DNAI3: variants seen among roughly 807,000 people sequenced by gnomAD.
DNAI3 encodes dynein axonemal intermediate chain 3, also known as WD repeat domain 63.
Under a neutral mutation model 115.5 loss-of-function variants are expected in DNAI3, and 83 were observed. The ratio of observed to expected loss-of-function variants is 0.72; its 90% confidence interval spans 0.60 to 0.86. DNAI3 has a LOEUF of 0.86. Ranked by LOEUF, DNAI3 falls within the 40% of genes least tolerant of loss-of-function variation. DNAI3 has a pLI of 0.00. For synonymous variants in DNAI3, 320 were observed against 347.0 expected (o/e 0.92, Z 0.86); for missense variants, 1,004 against 1,075.8 (o/e 0.93, Z 0.93).
At chr1:85,120,683 G>A (rs74496563) in intron 17 of DNAI3, among the ~76,000 whole-genome samples, 4,243 of 152,268 alleles carry the variant, frequency 0.028, 94 homozygotes, top group Non-Finnish European at 0.044. Context: ...TCAAGAAGTG[G>A]TATCCGTGAG....
intron 5 of DNAI3, among the ~76,000 whole-genome samples, chr1:85,083,444 G>C (rs1654689873): frequency 6.6e-6 from 1 of 152,028 alleles, no homozygotes; most frequent in African/African-American, 2.4e-5. Flanking sequence ...CCATGATCAT[G>C]CCCCTGCACT....
intron 1 of DNAI3, among the ~76,000 whole-genome samples, chr1:85,068,676 C>T (rs569323565): frequency 2.6e-5 from 4 of 152,306 alleles, no homozygotes; most frequent in Non-Finnish European, 5.9e-5. Context: ...TCCTAATACA[C>T]GACCTAGCCC....
At chr1:85,082,475 T>C in intron 5 of DNAI3, 71 bp downstream of exon 5, 12 of 1,226,520 alleles carry the variant, frequency 9.8e-6, no homozygotes, top group Non-Finnish European at 1.3e-5. Context: ...AGATAGGCTC[T>C]TGCTCTGTCA....
At chr1:85,104,396 C>T (rs762897645) in intron 13 of DNAI3, 128 bp from the exon 14 acceptor site, 33 of 689,264 alleles carry the variant, frequency 4.8e-5, no homozygotes, top group Non-Finnish European at 7.6e-5. Context: ...GCTGGGATTA[C>T]AGGCGTGAGC....
intron 1 of DNAI3, among the ~76,000 whole-genome samples, chr1:85,065,115 A>G (rs905898179): frequency 1.3e-5 from 2 of 152,170 alleles, no homozygotes; most frequent in African/African-American, 4.8e-5. Context: ...AAAGAGGATG[A>G]TGACCACCTA....
rs567597805 is a variant in DNAI3 at position 85,077,790 on chromosome 1, C to T, written c.104-3444C>T. On this transcript the variant is annotated intron_variant, in intron 3 of 22. Transcript: ENST00000294664. ...TGGGGTATGTGCATATATTTATCAA[C>T]TTGTACATATTGTATGCAGTTTATC... Among the ~76,000 whole-genome samples, 112 of 151,600 alleles carry T rather than the reference C, an allele frequency of 7.4e-4. 1 individual carries two copies. Among genetic ancestry groups the T allele is most frequent in the Admixed American group, 2.8e-3 (42 of 15,208 alleles).
chr1:85,081,160 C>T (rs1037677782), intron 3 of DNAI3, 74 bp from the exon 4 acceptor site: 29 of 1,215,900 alleles, frequency 2.4e-5, no homozygotes, highest in East Asian at 5.6e-5. Context: ...TAAAACCAAG[C>T]GATTGCATGT....
At chr1:85,132,818 GT>G in intron 22 of DNAI3, 36 bp from the exon 23 acceptor site, 1 of 1,575,122 alleles carries the variant, frequency 6.3e-7, no homozygotes, top group Non-Finnish European at 8.6e-7. Context: ...AGATATCAGT[GT>G]TTTATAGGGA....
chr1:85,095,207 G>C (rs1393487360), intron 10 of DNAI3, among the ~76,000 whole-genome samples: 1 of 152,156 alleles, frequency 6.6e-6, no homozygotes, highest in Non-Finnish European at 1.5e-5. Context: ...TGCTCAATAA[G>C]AGATCTGCCT....
In DNAI3 at chr1:85,102,471, C is replaced by T. The variant is rs184132594; in HGVS notation, c.1480-2053C>T. ...CATATAAAATAAAACAGTAAATCAACATGAAAATCATTCAGCCTTTCTAAT... is the reference window on the plus strand; with the variant it reads ...CATATAAAATAAAACAGTAAATCAATATGAAAATCATTCAGCCTTTCTAAT... On this transcript the variant is annotated intron_variant, in intron 13 of 22. Transcript: ENST00000294664. 2.1e-3 allele frequency among the ~76,000 whole-genome samples: 327 copies of T among 152,144 alleles called. 1 individual carries two copies. Among genetic ancestry groups the T allele is most frequent in the African/African-American group, 7.6e-3 (317 of 41,510 alleles).
At position 85,110,033 on chromosome 1, in the gene DNAI3, A is replaced by G; in HGVS notation, c.1699-15A>G. On this transcript the variant is annotated splice_polypyrimidine_tract_variant and intron_variant, in intron 15 of 22. Transcript: ENST00000294664. ...GATATGTGGAAATAATCTTTGCTAT[A>G]TGTTCTCCCAAAAGGTAAGGCTGTC... 6.2e-7 allele frequency: 1 copy of G among 1,606,700 alleles called. No homozygotes were observed. Among genetic ancestry groups the G allele is most frequent in the Non-Finnish European group, 8.5e-7 (1 of 1,174,500 alleles).
At chr1:85,079,267 G>C (rs766456037) in intron 3 of DNAI3, among the ~76,000 whole-genome samples, 1 of 152,168 alleles carries the variant, frequency 6.6e-6, no homozygotes, top group African/African-American at 2.4e-5. Context: ...TTTTGAGGGA[G>C]ATAAAAGTGT....
At chr1:85,065,361 G>C (rs1654064764) in intron 1 of DNAI3, among the ~76,000 whole-genome samples, 1 of 152,138 alleles carries the variant, frequency 6.6e-6, no homozygotes, top group South Asian at 2.1e-4. Context: ...TTTGAGAATA[G>C]GCATTAACAA....
At chr1:85,072,843 T>A (rs536388390) in intron 2 of DNAI3, among the ~76,000 whole-genome samples, 35 of 149,010 alleles carry the variant, frequency 2.3e-4, no homozygotes, top group Non-Finnish European at 4.7e-4. Flanking sequence ...TAGTCCCAGC[T>A]ACTCGGGAGG....
chr1:85,124,429 T>G (rs1301310900), intron 19 of DNAI3, among the ~76,000 whole-genome samples, 178 bp downstream of exon 19: 1 of 151,008 alleles, frequency 6.6e-6, no homozygotes, highest in Non-Finnish European at 1.5e-5. Context: ...GAAAACACAT[T>G]CATTTGTTTT....
At chr1:85,125,845 G>C (rs1413976125) in intron 19 of DNAI3, among the ~76,000 whole-genome samples, 1 of 152,208 alleles carries the variant, frequency 6.6e-6, no homozygotes, top group Non-Finnish European at 1.5e-5. Flanking sequence ...GATGAAGCCT[G>C]AAGTGGGTAG....
rs779366396 is a variant in DNAI3, at chr1:85,082,318, C to A, written c.304C>A (p.Leu102Ile). Reference sequence around the variant, plus strand: ...CTTGTAGGAATATCCTGGAAATGAGCTTCTGCTTGTTTATGACAAAGACTT... The same window carrying A: ...CTTGTAGGAATATCCTGGAAATGAGATTCTGCTTGTTTATGACAAAGACTT... ...KIVQEYPGNE[L>I]LLVYDKDFKY... Residue 102 changes from leucine to isoleucine, a missense_variant, in exon 5 of 23, where the codon CTT becomes ATT. Leu to Ile is a conservative substitution (Grantham distance 5). Transcript: ENST00000294664. The A allele has an allele frequency of 1.2e-6, 2 of 1,613,046 alleles. No individual in the cohort carries two copies. Among genetic ancestry groups the A allele is most frequent in the East Asian group, 2.2e-5 (1 of 44,856 alleles).
chr1:85,127,795 G>T (rs1170643990), intron 20 of DNAI3, among the ~76,000 whole-genome samples: 1 of 152,096 alleles, frequency 6.6e-6, no homozygotes, highest in Non-Finnish European at 1.5e-5. Context: ...AAAAGGAAAA[G>T]AACACACACA....
chr1:85,124,227 G>A lies in DNAI3; in HGVS notation c.2088G>A (p.Val696=), dbSNP rs534235481. The A allele has an allele frequency of 2.5e-6, 4 of 1,606,388 alleles. No individual in the cohort carries two copies. The South Asian group carries it at 3.3e-5, about 13-fold the overall frequency. The part of the protein sequence containing the change: ...DIILTVGGWN[V]AIWKEGVMTG... ...TTCTCACGGTTGGAGGTTGGAACGT[G>A]GCCATATGGAAAGAAGGTGTTATGG... is the stretch of plus-strand genomic sequence containing the variant. Residue 696 remains valine (V), a synonymous_variant, in exon 19 of 23, where the codon GTG becomes GTA. Coordinates refer to ENST00000294664, the MANE Select transcript of DNAI3 (RefSeq NM_145172.5).
Sources: allele counts gnomAD v4.1 joint callset (sites outside exome capture counted in the v4.1 genomes callset), GRCh38; gene constraint gnomAD v4.1.1; transcripts MANE v1.5; gene names NCBI Gene and HGNC (gene_info 2026-07-23, HGNC 2026-07-21).